The following LUC7L3 variants were observed in gnomAD, a reference collection of about 807,000 sequenced individuals.
LUC7L3 encodes LUC7 like 3 pre-mRNA splicing factor.
Under a neutral mutation model 66.8 loss-of-function variants are expected in LUC7L3, and 6 were observed. The observed-to-expected ratio is 0.09, with a 90% CI of 0.05 to 0.18. LUC7L3 has a LOEUF of 0.18. Ranked by LOEUF, LUC7L3 falls within the 10% of genes least tolerant of loss-of-function variation. The probability of loss-of-function intolerance (pLI) is 1.00; values close to 1 mark genes in which losing one functional copy is unlikely to be tolerated. For synonymous variants in LUC7L3, 160 were observed against 174.7 expected (o/e 0.92, Z 0.66); for missense variants, 341 against 531.1 (o/e 0.64, Z 3.52).
rs1971068529 is a variant in LUC7L3, at chr17:50,754,222, C to T, written c.*3561C>T. ...GATTGCTTGGTAAGTTTGGAATCTGCAATCAGTTGGTCTTAAAAAAAAAAA... is the reference window on the plus strand; with the variant it reads ...GATTGCTTGGTAAGTTTGGAATCTGTAATCAGTTGGTCTTAAAAAAAAAAA... On this transcript the variant is annotated 3_prime_UTR_variant, in exon 10 of 10. Coordinates refer to ENST00000505658, the MANE Select transcript of LUC7L3 (RefSeq NM_016424.5). 6.9e-6 allele frequency: 1 copy of T among 145,308 alleles called. No individual in the cohort carries two copies. The highest frequency in any genetic ancestry group is 1.5e-5 in the Non-Finnish European group (1 of 66,794). 9.0% of individuals were successfully genotyped at this position (145,308 alleles called of 1,614,324 possible). A position where few individuals can be genotyped will look rare whatever the true frequency, so the allele number is the denominator to read the frequency against.
chr17:50,750,665 T>TG lies in LUC7L3; in HGVS notation c.*5dup. 6.2e-7 allele frequency: 1 copy of TG among 1,614,122 alleles called. No individual in the cohort carries two copies. The highest frequency in any genetic ancestry group is 8.5e-7 in the Non-Finnish European group (1 of 1,179,998). ...AGGTGACACTCAGTCCAATTAAAAC[T>TG]GATCTGATAAGACCTCAGATCAGAC... On this transcript the variant is annotated 3_prime_UTR_variant, in exon 10 of 10. Coordinates refer to ENST00000505658, the MANE Select transcript of LUC7L3 (RefSeq NM_016424.5).
At position 50,751,697 on chromosome 17, in the gene LUC7L3, G is replaced by A. The variant is rs1359644814; in HGVS notation, c.*1036G>A. 2 of 1,059,140 alleles carry A rather than the reference G, an allele frequency of 1.9e-6. No individual in the cohort carries two copies. Among genetic ancestry groups the A allele is most frequent in the South Asian group, 2.8e-5 (1 of 35,096 alleles). 65.6% of individuals were successfully genotyped at this position (1,059,140 alleles called of 1,614,324 possible). On this transcript the variant is annotated 3_prime_UTR_variant, in exon 10 of 10. Transcript: ENST00000505658. ...TATTTCCTACTGTGTAGGAGAATTTGCAGTCAGCCATAGGTATGTAGGAAT... is the reference window on the plus strand; with the variant it reads ...TATTTCCTACTGTGTAGGAGAATTTACAGTCAGCCATAGGTATGTAGGAAT...
At chr17:50,738,684 C>T (rs978199939) in intron 2 of LUC7L3, among the ~76,000 whole-genome samples, 2 of 152,000 alleles carry the variant, frequency 1.3e-5, no homozygotes, top group African/African-American at 2.4e-5. Context: ...TTGGGCAGTA[C>T]GACAGAAGGA....
rs1970337203 is a variant in LUC7L3 at position 50,741,380 on chromosome 17, C to T, written c.351+134C>T. ...AATGATATGAAACTTATAGGGCATT[C>T]ATTTTTTTTCCAGTCTTTATTAGCA... On this transcript the variant is annotated intron_variant, in intron 4 of 9. Coordinates refer to ENST00000505658, the MANE Select transcript of LUC7L3 (RefSeq NM_016424.5). 2 of 902,916 alleles carry T rather than the reference C, an allele frequency of 2.2e-6. 1 individual carries two copies. The highest frequency in any genetic ancestry group is 4.0e-5 in the South Asian group (2 of 50,406). The allele number at this position is 902,916 out of a possible 1,614,324, so 55.9% of individuals were successfully genotyped here.
chr17:50,749,116 G>A, intron 9 of LUC7L3: 1 of 805,610 alleles, frequency 1.2e-6, no homozygotes, highest in Non-Finnish European at 1.8e-6. Context: ...AGTGTAAGGT[G>A]CTCTCTTTGT....
chr17:50,732,775 C>T (rs1275863584), intron 1 of LUC7L3, among the ~76,000 whole-genome samples: 1 of 152,074 alleles, frequency 6.6e-6, no homozygotes, highest in Non-Finnish European at 1.5e-5. Context: ...TGCGTTCTGT[C>T]ACCCTAGCTG....
chr17:50,735,144 G>A (rs1219360630), intron 1 of LUC7L3, among the ~76,000 whole-genome samples: 1 of 151,758 alleles, frequency 6.6e-6, no homozygotes, highest in Admixed American at 6.6e-5. Flanking sequence ...GCAGGAGAAT[G>A]GCCTGAGCCC....
intron 1 of LUC7L3, chr17:50,736,538 C>A (rs12951151): frequency 0.3 from 48,303 of 162,702 alleles, 7,294 homozygotes; most frequent in Middle Eastern, 0.35. Flanking sequence ...TGCCAAATTG[C>A]TTTAAATGAG....
intron 8 of LUC7L3, among the ~76,000 whole-genome samples, 158 bp from the exon 9 acceptor site, chr17:50,746,384 A>G (rs1970668431): frequency 6.6e-6 from 1 of 152,258 alleles, no homozygotes; most frequent in Non-Finnish European, 1.5e-5. Flanking sequence ...AGATGAATTT[A>G]GAAAGATTTT....
Position 50,743,792 on chromosome 17 carries a change from G to A in LUC7L3, c.513G>A (p.Leu171=). The A allele has an allele frequency of 6.2e-7, 1 of 1,613,070 alleles. No homozygotes were observed. The highest frequency in any genetic ancestry group is 8.5e-7 in the Non-Finnish European group (1 of 1,179,152). The change falls in exon 6 of 10, where the codon CTG becomes CTA. Residue 171 remains leucine, a synonymous_variant. Transcript: ENST00000505658. The part of the protein sequence containing the change: ...LVEQLKEERE[L]LRSTTSTIES... Reference sequence around the variant, plus strand: ...AGCAATTAAAAGAAGAGAGAGAACTGCTAAGGTCCACAACGTCGGTGAGTA... The same window carrying A: ...AGCAATTAAAAGAAGAGAGAGAACTACTAAGGTCCACAACGTCGGTGAGTA...
At chr17:50,740,715 T>G (rs1022476425) in intron 3 of LUC7L3, among the ~76,000 whole-genome samples, 5 of 152,294 alleles carry the variant, frequency 3.3e-5, no homozygotes, top group South Asian at 2.1e-4. Context: ...CCCACCACCA[T>G]GCCTGACTAA....
intron 1 of LUC7L3, among the ~76,000 whole-genome samples, chr17:50,734,317 G>A (rs765614345): frequency 3.3e-5 from 5 of 152,034 alleles, no homozygotes; most frequent in Non-Finnish European, 7.4e-5. Context: ...ATAGGCATGC[G>A]CCACCATGCC....
intron 6 of LUC7L3, among the ~76,000 whole-genome samples, 176 bp downstream of exon 6, chr17:50,743,986 T>C (rs1343800563): frequency 2.6e-5 from 4 of 152,258 alleles, no homozygotes; most frequent in Non-Finnish European, 5.9e-5. Context: ...CAAGCAACTT[T>C]ATATAGTACA....
chr17:50,745,683 G>A (rs1215256785), intron 7 of LUC7L3, 37 bp from the exon 8 acceptor site: 1 of 1,537,504 alleles, frequency 6.5e-7, no homozygotes, highest in Non-Finnish European at 8.8e-7. Context: ...ATGCTTTAAA[G>A]TTACATTTGC....
chr17:50,733,581 T>G (rs113287138), intron 1 of LUC7L3, among the ~76,000 whole-genome samples: 1,784 of 152,144 alleles, frequency 0.012, 15 homozygotes, highest in Middle Eastern at 0.024. Context: ...TTTTGTATTT[T>G]TAGTAGAGAC....
At chr17:50,724,184 C>T (rs367602671) in intron 1 of LUC7L3, 11 of 259,286 alleles carry the variant, frequency 4.2e-5, no homozygotes, top group Non-Finnish European at 7.1e-5. Flanking sequence ...TATTGTCAAC[C>T]TTAAAGCGGT....
intron 1 of LUC7L3, among the ~76,000 whole-genome samples, chr17:50,731,271 C>A (rs527992126): frequency 6.6e-6 from 1 of 152,144 alleles, no homozygotes. Flanking sequence ...CGGGTTCAAG[C>A]GATTCTCCCA....
intron 1 of LUC7L3, among the ~76,000 whole-genome samples, chr17:50,735,959 C>A (rs970367862): frequency 1.3e-5 from 2 of 152,154 alleles, no homozygotes; most frequent in Non-Finnish European, 2.9e-5. Context: ...ATGGTGAAAC[C>A]CTGTCTGTAC....
intron 1 of LUC7L3, among the ~76,000 whole-genome samples, chr17:50,734,428 A>G (rs1446781360): frequency 6.6e-6 from 1 of 152,144 alleles, no homozygotes; most frequent in South Asian, 2.1e-4. Flanking sequence ...TGGCCTCCCA[A>G]AGTGCTGGGA....
Sources: allele counts gnomAD v4.1 joint callset (sites outside exome capture counted in the v4.1 genomes callset), GRCh38; gene constraint gnomAD v4.1.1; transcripts MANE v1.5; gene names NCBI Gene and HGNC (gene_info 2026-07-23, HGNC 2026-07-21).